SPOCK3: variants seen among roughly 807,000 people sequenced by gnomAD.
The protein encoded by SPOCK3 is SPARC (osteonectin), cwcv and kazal like domains proteoglycan 3, also known as testican-3.
A neutral mutation model predicts 56.6 loss-of-function variants in SPOCK3; 30 were observed. The observed-to-expected ratio is 0.53, with a 90% CI of 0.40 to 0.72. The LOEUF (loss-of-function observed/expected upper bound fraction) is 0.72, where lower values mean the gene tolerates loss of function less well. Ranked by LOEUF, SPOCK3 falls within the 30% of genes least tolerant of loss-of-function variation. The pLI, the probability that SPOCK3 is intolerant of heterozygous loss-of-function variation, is 0.00. For synonymous variants in SPOCK3, 196 were observed against 183.3 expected, an observed-to-expected ratio of 1.07 and a Z score of -0.56; for missense variants, 527 against 530.0, an observed-to-expected ratio of 0.99 and a Z score of 0.06.
chr4:166,942,406 T>G (rs1254872223), intron 4 of SPOCK3, among the ~76,000 whole-genome samples: 1 of 151,252 alleles, frequency 6.6e-6, no homozygotes, highest in Non-Finnish European at 1.5e-5. Context: ...AGACGGGGTT[T>G]CATCGTGATG....
intron 3 of SPOCK3, among the ~76,000 whole-genome samples, chr4:167,054,638 C>T (rs1349513520): frequency 6.6e-6 from 1 of 152,298 alleles, no homozygotes; most frequent in East Asian, 1.9e-4. Context: ...AGATTACCAT[C>T]ATCAAAATAG....
chr4:166,827,415 A>G (rs1243578164), intron 6 of SPOCK3, among the ~76,000 whole-genome samples: 1 of 152,124 alleles, frequency 6.6e-6, no homozygotes, highest in East Asian at 1.9e-4. Context: ...TAAGCAGCCA[A>G]CGAATGGCAG....
intron 4 of SPOCK3, among the ~76,000 whole-genome samples, chr4:166,976,034 G>A (rs146836778): frequency 3.9e-5 from 6 of 151,970 alleles, no homozygotes; most frequent in African/African-American, 1.4e-4. Context: ...TATCTAGCAT[G>A]GGATGCATAG....
chr4:166,957,208 C>T (rs1232103182), intron 4 of SPOCK3, among the ~76,000 whole-genome samples: 1 of 152,164 alleles, frequency 6.6e-6, no homozygotes, highest in Non-Finnish European at 1.5e-5. Flanking sequence ...GAGCCAAGAT[C>T]AGCACTGCAC....
chr4:166,907,800 T>G (rs1736791576), intron 5 of SPOCK3, among the ~76,000 whole-genome samples: 1 of 152,082 alleles, frequency 6.6e-6, no homozygotes, highest in Admixed American at 6.6e-5. Context: ...ATTATTTCCT[T>G]TAATGTTCAG....
intron 5 of SPOCK3, among the ~76,000 whole-genome samples, chr4:166,903,208 T>G (rs1351134239): frequency 6.6e-6 from 1 of 150,754 alleles, no homozygotes; most frequent in African/African-American, 2.4e-5. Flanking sequence ...TGAATTTGAG[T>G]TGGCAGAACA....
Position 167,109,401 on chromosome 4 carries a change from AT to A in SPOCK3, c.190-46865del, listed in dbSNP as rs1449340233. Among the ~76,000 whole-genome samples, 165 of 84,554 alleles carry A rather than the reference AT, an allele frequency of 2.0e-3. 3 individuals carry two copies. In the Admixed American group the frequency reaches 0.022, roughly 11 times the overall value. The allele number at this position is 84,554 out of a possible 152,430, so 55.5% of individuals were successfully genotyped here. A position where few individuals can be genotyped will look rare whatever the true frequency, so the allele number is the denominator to read the frequency against. On this transcript the variant is annotated intron_variant, in intron 2 of 10. Coordinates refer to ENST00000357545, the MANE Select transcript of SPOCK3 (RefSeq NM_001040159.2). ...ATATAAAATATATAAATATATATTT[AT>A]ATATAAATATATATATAAATATATA...
At chr4:166,776,013 C>T (rs1194351757) in intron 7 of SPOCK3, among the ~76,000 whole-genome samples, 2 of 152,136 alleles carry the variant, frequency 1.3e-5, no homozygotes, top group Middle Eastern at 3.4e-3. Flanking sequence ...AAGGATACAA[C>T]ACATGAGGTA....
intron 2 of SPOCK3, among the ~76,000 whole-genome samples, chr4:167,079,176 T>C (rs1161335155): frequency 1.3e-5 from 2 of 151,920 alleles, no homozygotes; most frequent in Non-Finnish European, 2.9e-5. Context: ...CATTGAAACA[T>C]CTGTGAATAT....
At chr4:167,123,801 T>C (rs1762064849) in intron 2 of SPOCK3, among the ~76,000 whole-genome samples, 1 of 148,968 alleles carries the variant, frequency 6.7e-6, no homozygotes, top group Non-Finnish European at 1.5e-5. Context: ...TGGAGTGCAA[T>C]GGTGCTATCT....
chr4:166,837,615 T>C (rs1746764713), intron 6 of SPOCK3, among the ~76,000 whole-genome samples: 1 of 152,206 alleles, frequency 6.6e-6, no homozygotes, highest in African/African-American at 2.4e-5. Flanking sequence ...TTATGTGAGA[T>C]ATAACGTCGT....
intron 2 of SPOCK3, among the ~76,000 whole-genome samples, chr4:167,208,297 T>C (rs915497369): frequency 1.3e-5 from 2 of 152,168 alleles, no homozygotes; most frequent in Non-Finnish European, 2.9e-5. Flanking sequence ...AGAGGTAACA[T>C]TTGTTTCAAT....
At chr4:167,160,073 T>C (rs1285053639) in intron 2 of SPOCK3, among the ~76,000 whole-genome samples, 2 of 152,124 alleles carry the variant, frequency 1.3e-5, no homozygotes, top group Admixed American at 6.6e-5. Context: ...ATAAAGGGTA[T>C]TCAATTAGGA....
chr4:166,884,056 C>T (rs902975248), intron 6 of SPOCK3, among the ~76,000 whole-genome samples: 3 of 151,972 alleles, frequency 2.0e-5, no homozygotes, highest in Non-Finnish European at 2.9e-5. Flanking sequence ...GCTACATATC[C>T]CTCTCTCTGT....
In SPOCK3 at chr4:166,754,515, T is replaced by C; in HGVS notation, c.924A>G (p.Arg308=). Residue 308 remains arginine (R), a synonymous_variant, in exon 8 of 11, where the codon AGA becomes AGG. Coordinates refer to ENST00000357545, the MANE Select transcript of SPOCK3 (RefSeq NM_001040159.2). Reference sequence around the variant, plus strand: ...AAGGGTCTCATCTTTTACCTTGCTGTCTCTGGAAGCAGTAGCACCACTCAT... The same window carrying C: ...AAGGGTCTCATCTTTTACCTTGCTGCCTCTGGAAGCAGTAGCACCACTCAT... ...SNNEWCYCFQ[R]QQDPPCQTEL... The C allele has an allele frequency of 1.9e-6, 3 of 1,612,380 alleles. No individual in the cohort carries two copies. The highest frequency in any genetic ancestry group is 2.5e-6 in the Non-Finnish European group (3 of 1,178,936).
intron 4 of SPOCK3, among the ~76,000 whole-genome samples, chr4:166,937,027 ATTTTTT>A (rs929918398): frequency 6.6e-5 from 10 of 152,026 alleles, no homozygotes; most frequent in Admixed American, 6.6e-4. Context: ...TTATTTATTT[ATTTTTT>A]AATTGATTGA....
chr4:167,208,885 G>A (rs1423064513), intron 2 of SPOCK3, among the ~76,000 whole-genome samples: 1 of 152,034 alleles, frequency 6.6e-6, no homozygotes, highest in Admixed American at 6.6e-5. Context: ...TTAAAATCCT[G>A]TTAACAGCTT....
intron 3 of SPOCK3, among the ~76,000 whole-genome samples, chr4:167,025,549 C>T (rs1027370970): frequency 6.6e-6 from 1 of 151,984 alleles, no homozygotes; most frequent in African/African-American, 2.4e-5. Flanking sequence ...CCAGGGGTTT[C>T]TCCTCCAGGT....
intron 7 of SPOCK3, among the ~76,000 whole-genome samples, chr4:166,777,346 C>T (rs192913222): frequency 3.9e-5 from 6 of 152,218 alleles, no homozygotes; most frequent in South Asian, 2.1e-4. Context: ...ATTCTTTGTG[C>T]GAGCATGTAA....
Sources: allele counts gnomAD v4.1 joint callset (sites outside exome capture counted in the v4.1 genomes callset), GRCh38; gene constraint gnomAD v4.1.1; transcripts MANE v1.5; gene names NCBI Gene and HGNC (gene_info 2026-07-23, HGNC 2026-07-21).